MAPK4: variants seen among roughly 807,000 people sequenced by gnomAD.
The protein encoded by MAPK4 is mitogen-activated protein kinase 4.
Under a neutral mutation model 47.7 loss-of-function variants are expected in MAPK4, and 22 were observed. The observed-to-expected ratio is 0.46, with a 90% CI of 0.33 to 0.66. MAPK4 has a LOEUF of 0.66. MAPK4 is among the 30% of genes least tolerant of loss of function. The pLI, the probability that MAPK4 is intolerant of heterozygous loss-of-function variation, is 0.02. For synonymous variants in MAPK4, 390 were observed against 365.7 expected (o/e 1.07, Z -0.76); for missense variants, 736 against 831.7 (o/e 0.88, Z 1.42).
At chr18:50,645,012 G>A (rs1222504511) in intron 1 of MAPK4, among the ~76,000 whole-genome samples, 3 of 152,184 alleles carry the variant, frequency 2.0e-5, no homozygotes, top group Admixed American at 6.5e-5. Flanking sequence ...ATTTGCAGGC[G>A]AGAGCCATCT....
chr18:50,635,269 G>C (rs1212788885), intron 1 of MAPK4, among the ~76,000 whole-genome samples: 1 of 151,994 alleles, frequency 6.6e-6, no homozygotes, highest in Non-Finnish European at 1.5e-5. Flanking sequence ...CTCAGCATTT[G>C]CATCCCCATA....
chr18:50,583,173 TTC>T (rs1447152503), intron 1 of MAPK4, among the ~76,000 whole-genome samples: 4 of 152,098 alleles, frequency 2.6e-5, no homozygotes, highest in Non-Finnish European at 5.9e-5. Context: ...TGAAAGCAGG[TTC>T]TGTCTGTGAG....
intron 2 of MAPK4, among the ~76,000 whole-genome samples, chr18:50,710,824 TA>T (rs1169450765): frequency 4.1e-4 from 59 of 145,032 alleles, no homozygotes; most frequent in African/African-American, 1.4e-3. Flanking sequence ...AATAAATAAA[TA>T]AATTCATCAT....
intron 1 of MAPK4, among the ~76,000 whole-genome samples, chr18:50,634,953 A>G (rs2042870189): frequency 6.6e-6 from 1 of 152,190 alleles, no homozygotes; most frequent in African/African-American, 2.4e-5. Flanking sequence ...AGACATCCCT[A>G]TGCTCAGTTG....
At chr18:50,654,930 C>CAA (rs2043091736) in intron 1 of MAPK4, among the ~76,000 whole-genome samples, 1 of 152,238 alleles carries the variant, frequency 6.6e-6, no homozygotes, top group South Asian at 2.1e-4. Context: ...GAAAACAGAG[C>CAA]AAAGCCTGAA....
chr18:50,633,761 C>G (rs2042853941), intron 1 of MAPK4, among the ~76,000 whole-genome samples: 1 of 152,168 alleles, frequency 6.6e-6, no homozygotes, highest in African/African-American at 2.4e-5. Context: ...GTAGTCTCCT[C>G]CTGATGGTTG....
chr18:50,575,792 C>CAAAAAAAAAAAAAAAAAAAAAACAAAA (rs540138636), intron 1 of MAPK4, among the ~76,000 whole-genome samples: 2 of 70,122 alleles, frequency 2.9e-5, no homozygotes, highest in African/African-American at 5.7e-5. Flanking sequence ...AATCAACAAG[C>CAAAAAAAAAAAAAAAAAAAAAACAAAA]AAAAAAAAAA....
intron 2 of MAPK4, among the ~76,000 whole-genome samples, chr18:50,714,364 T>A (rs1473666806): frequency 1.3e-5 from 2 of 152,184 alleles, no homozygotes; most frequent in Non-Finnish European, 2.9e-5. Context: ...CCTCGCTATA[T>A]ACCATAAGGA....
intron 1 of MAPK4, among the ~76,000 whole-genome samples, chr18:50,608,612 T>G (rs2042603607): frequency 6.6e-6 from 1 of 152,254 alleles, no homozygotes. Flanking sequence ...AGCAGATGCT[T>G]TTTATCAAGC....
At chr18:50,624,969 A>G (rs537260278) in intron 1 of MAPK4, among the ~76,000 whole-genome samples, 57 of 151,898 alleles carry the variant, frequency 3.8e-4, no homozygotes, top group African/African-American at 1.4e-3. Flanking sequence ...ACAGGACCCA[A>G]CCAAGAGAGC....
chr18:50,578,428 G>A (rs9946616), intron 1 of MAPK4, among the ~76,000 whole-genome samples: 412 of 152,320 alleles, frequency 2.7e-3, no homozygotes, highest in African/African-American at 9.1e-3. Flanking sequence ...AAGAATATGC[G>A]TTTCTAATGC....
At chr18:50,588,742 G>C (rs576544254) in intron 1 of MAPK4, among the ~76,000 whole-genome samples, 1 of 152,272 alleles carries the variant, frequency 6.6e-6, no homozygotes, top group African/African-American at 2.4e-5. Context: ...TTTTAGTAAA[G>C]ATGGGGTTTC....
At chr18:50,620,660 T>C (rs113900295) in intron 1 of MAPK4, among the ~76,000 whole-genome samples, 60 of 152,196 alleles carry the variant, frequency 3.9e-4, no homozygotes, top group African/African-American at 1.3e-3. Flanking sequence ...ATCCTAACAC[T>C]TTGGGAGGCC....
At chr18:50,573,448 T>C (rs1190293968) in intron 1 of MAPK4, among the ~76,000 whole-genome samples, 1 of 152,164 alleles carries the variant, frequency 6.6e-6, no homozygotes, top group East Asian at 1.9e-4. Context: ...TAGATTCTCA[T>C]AGGAGCACAA....
At chr18:50,691,583 A>G (rs564046178) in intron 2 of MAPK4, among the ~76,000 whole-genome samples, 2 of 152,340 alleles carry the variant, frequency 1.3e-5, no homozygotes, top group Admixed American at 6.5e-5. Flanking sequence ...TACAGTTCCT[A>G]CACACATATA....
chr18:50,691,227 C>T (rs1909199453), intron 2 of MAPK4, among the ~76,000 whole-genome samples: 1 of 152,106 alleles, frequency 6.6e-6, no homozygotes, highest in African/African-American at 2.4e-5. Flanking sequence ...CTCTTGATTG[C>T]AAGCAATCCG....
intron 1 of MAPK4, among the ~76,000 whole-genome samples, chr18:50,581,994 C>A (rs139376450): frequency 6.6e-6 from 1 of 152,262 alleles, no homozygotes; most frequent in African/African-American, 2.4e-5. Context: ...AAGAGGTGGG[C>A]TTATCTGCTG....
chr18:50,667,340 A>G (rs1907662522), intron 2 of MAPK4, among the ~76,000 whole-genome samples: 1 of 152,198 alleles, frequency 6.6e-6, no homozygotes, highest in African/African-American at 2.4e-5. Flanking sequence ...TATTGAACAG[A>G]TGGAAGAATA....
intron 1 of MAPK4, among the ~76,000 whole-genome samples, chr18:50,645,206 C>T (rs918871598): frequency 6.6e-5 from 10 of 152,134 alleles, no homozygotes; most frequent in African/African-American, 2.4e-4. Flanking sequence ...TGCCAACGCG[C>T]CATCCATAGG....
Sources: allele counts gnomAD v4.1 joint callset (sites outside exome capture counted in the v4.1 genomes callset), GRCh38; gene constraint gnomAD v4.1.1; transcripts MANE v1.5; gene names NCBI Gene and HGNC (gene_info 2026-07-23, HGNC 2026-07-21).